The following PRRC2C variants were observed in gnomAD, a reference collection of about 807,000 sequenced individuals.
PRRC2C encodes proline rich coiled-coil 2C.
Under a neutral mutation model 317.2 loss-of-function variants are expected in PRRC2C, and 72 were observed. That is an observed-to-expected ratio of 0.23 (90% CI 0.19 to 0.28). PRRC2C has a LOEUF of 0.28. Ranked by LOEUF, PRRC2C falls within the 10% of genes least tolerant of loss-of-function variation. The pLI, the probability that PRRC2C is intolerant of heterozygous loss-of-function variation, is 1.00. For synonymous variants in PRRC2C, 1,296 were observed against 1,205.9 expected (o/e 1.07, Z -1.55); for missense variants, 3,074 against 3,459.7 (o/e 0.89, Z 2.80).
chr1:171,526,836 T>G (rs1451549289), intron 10 of PRRC2C, among the ~76,000 whole-genome samples: 3 of 119,748 alleles, frequency 2.5e-5, no homozygotes, highest in African/African-American at 6.1e-5. Flanking sequence ...TGAGATGGAG[T>G]CTTGATCTGT....
At chr1:171,570,540 T>A (rs1207390807) in intron 23 of PRRC2C, among the ~76,000 whole-genome samples, 1 of 152,162 alleles carries the variant, frequency 6.6e-6, no homozygotes, top group African/African-American at 2.4e-5. Context: ...ATCTTAAAAC[T>A]CTCAAGCATC....
At chr1:171,548,856 T>C (rs191821451) in intron 17 of PRRC2C, among the ~76,000 whole-genome samples, 14 of 152,324 alleles carry the variant, frequency 9.2e-5, no homozygotes, top group African/African-American at 3.4e-4. Context: ...AATTAACTTA[T>C]TCATTTCTTT....
intron 12 of PRRC2C, among the ~76,000 whole-genome samples, chr1:171,533,634 G>A (rs2102434041): frequency 6.6e-6 from 1 of 152,166 alleles, no homozygotes; most frequent in African/African-American, 2.4e-5. Context: ...GGTGGTTGTT[G>A]TTGTTTTTGA....
At chr1:171,584,236 C>CAGATCATTTTAAG in intron 29 of PRRC2C, 49 bp downstream of exon 29, 1 of 1,472,852 alleles carries the variant, frequency 6.8e-7, no homozygotes, top group Non-Finnish European at 9.3e-7. Flanking sequence ...TCCTATGCCA[C>CAGATCATTTTAAG]AGATCATTTT....
chr1:171,509,844 C>CTTTTTTT (rs11363110), intron 1 of PRRC2C: 195 of 59,760 alleles, frequency 3.3e-3, no homozygotes, highest in South Asian at 4.0e-3. Context: ...AACATTGTTT[C>CTTTTTTT]TTTTTTTTTT....
intron 1 of PRRC2C, among the ~76,000 whole-genome samples, chr1:171,488,158 G>A (rs1194433980): frequency 1.3e-5 from 2 of 152,064 alleles, no homozygotes; most frequent in South Asian, 2.1e-4. Context: ...CTTGTGTTTT[G>A]GATGCTATTT....
chr1:171,575,575 G>T (rs1685557190), intron 25 of PRRC2C, among the ~76,000 whole-genome samples: 1 of 152,148 alleles, frequency 6.6e-6, no homozygotes, highest in Non-Finnish European at 1.5e-5. Flanking sequence ...GTTTGGTTTG[G>T]ATTTTGTTTT....
chr1:171,556,147 C>T (rs1304219505), intron 18 of PRRC2C, among the ~76,000 whole-genome samples: 2 of 152,340 alleles, frequency 1.3e-5, no homozygotes, highest in East Asian at 3.9e-4. Context: ...ACCACTCCCC[C>T]AGCCAGGCTG....
chr1:171,562,365 G>A (rs780366110), intron 20 of PRRC2C, among the ~76,000 whole-genome samples: 2 of 152,164 alleles, frequency 1.3e-5, no homozygotes, highest in Non-Finnish European at 2.9e-5. Context: ...TATGGAAGAG[G>A]TGGGAAGACA....
At chr1:171,520,962 C>T (rs1673436665) in intron 6 of PRRC2C, among the ~76,000 whole-genome samples, 1 of 151,968 alleles carries the variant, frequency 6.6e-6, no homozygotes, top group South Asian at 2.1e-4. Context: ...GCCCACCACA[C>T]CTAGCTAATT....
intron 19 of PRRC2C, among the ~76,000 whole-genome samples, chr1:171,558,388 T>G (rs200115074): frequency 1.4e-5 from 2 of 139,960 alleles, no homozygotes; most frequent in African/African-American, 5.2e-5. Flanking sequence ...TGGGGGGGTC[T>G]TGTACATGCA....
chr1:171,543,788 C>CT (rs980304547), intron 16 of PRRC2C, among the ~76,000 whole-genome samples: 88 of 152,230 alleles, frequency 5.8e-4, no homozygotes, highest in Admixed American at 1.2e-3. Flanking sequence ...AAATGTATTT[C>CT]TTGCAAATCT....
intron 24 of PRRC2C, among the ~76,000 whole-genome samples, chr1:171,573,382 A>G (rs1283900912): frequency 6.6e-6 from 1 of 152,204 alleles, no homozygotes; most frequent in Non-Finnish European, 1.5e-5. Context: ...TTGGCATAAA[A>G]GACATTGTAC....
intron 23 of PRRC2C, among the ~76,000 whole-genome samples, chr1:171,570,778 A>G (rs1018013756): frequency 6.6e-5 from 10 of 152,212 alleles, no homozygotes; most frequent in African/African-American, 2.4e-4. Context: ...ATAAAAGTTA[A>G]CCATATTGCA....
At chr1:171,548,270 G>A (rs1449315720) in intron 17 of PRRC2C, among the ~76,000 whole-genome samples, 1 of 152,158 alleles carries the variant, frequency 6.6e-6, no homozygotes, top group African/African-American at 2.4e-5. Flanking sequence ...TGCCCAGCCA[G>A]TTTCTAAGGA....
chr1:171,529,065 C>G (rs1249841447), intron 11 of PRRC2C, among the ~76,000 whole-genome samples: 1 of 152,168 alleles, frequency 6.6e-6, no homozygotes, highest in African/African-American at 2.4e-5. Context: ...GCTGGAATTA[C>G]AGACTTGAGC....
At chr1:171,496,199 CTTTTTTTTTTT>C (rs528654548) in intron 1 of PRRC2C, among the ~76,000 whole-genome samples, 6 of 75,660 alleles carry the variant, frequency 7.9e-5, no homozygotes, top group Admixed American at 5.0e-4. Flanking sequence ...ATTTTTGTGC[CTTTTTTTTTTT>C]TTTTTTTTTT....
intron 1 of PRRC2C, among the ~76,000 whole-genome samples, chr1:171,496,414 G>C (rs1668114442): frequency 6.6e-6 from 1 of 151,896 alleles, no homozygotes; most frequent in Admixed American, 6.6e-5. Flanking sequence ...TGTTGGCCAG[G>C]CTGGTCTGGA....
chr1:171,507,401 A>G (rs778932703), intron 1 of PRRC2C, among the ~76,000 whole-genome samples: 1 of 152,158 alleles, frequency 6.6e-6, no homozygotes, highest in African/African-American at 2.4e-5. Flanking sequence ...ACCTGAGATC[A>G]GGAGTTCAAG....
Sources: allele counts gnomAD v4.1 joint callset (sites outside exome capture counted in the v4.1 genomes callset), GRCh38; gene constraint gnomAD v4.1.1; transcripts MANE v1.5; gene names NCBI Gene and HGNC (gene_info 2026-07-23, HGNC 2026-07-21).